TPCN1: variants seen among roughly 807,000 people sequenced by gnomAD.
The protein encoded by TPCN1 is two pore segment channel 1.
Under a neutral mutation model 108.8 loss-of-function variants are expected in TPCN1, and 52 were observed. The ratio of observed to expected loss-of-function variants is 0.48; its 90% CI spans 0.38 to 0.60. The LOEUF is 0.60. Ranked by LOEUF, TPCN1 falls within the 20% of genes least tolerant of loss-of-function variation. The pLI, the probability that TPCN1 is intolerant of heterozygous loss-of-function variation, is 0.00. For synonymous variants in TPCN1, 446 were observed against 433.7 expected, an observed-to-expected ratio of 1.03 and a Z score of -0.35; for missense variants, 806 against 1,072.8, an observed-to-expected ratio of 0.75 and a Z score of 3.47.
rs372989099 is a variant in TPCN1, at chr12:113,293,360, G to C, written c.2334+11G>C. On this transcript the variant is annotated intron_variant, in intron 27 of 27. Transcript: ENST00000335509. Reference sequence around the variant, plus strand: ...CAGGAGGAGATCCAGGTAGGAGCCTGGCCGACCACGCTGCGAATCCTCCCC... The same window carrying C: ...CAGGAGGAGATCCAGGTAGGAGCCTCGCCGACCACGCTGCGAATCCTCCCC... The C allele has an allele frequency of 2.4e-5, 38 of 1,613,282 alleles. No homozygotes were observed. In the African/African-American group the frequency reaches 5.1e-4, roughly 22 times the overall value.
At chr12:113,277,970 A>G (rs181965934) in intron 12 of TPCN1, among the ~76,000 whole-genome samples, 91 of 152,186 alleles carry the variant, frequency 6.0e-4, no homozygotes, top group Admixed American at 7.8e-4. Flanking sequence ...ATCGGTGGAG[A>G]CTTAAGTGGA....
rs1956197618 is a variant in TPCN1, at chr12:113,289,538, G to A, written c.1797-590G>A. Reference sequence around the variant, plus strand: ...ACCAGGGAGCTTAGTGCAAGCTCCAGACCTCACTCTTGTGTCTGATGCATG... The same window carrying A: ...ACCAGGGAGCTTAGTGCAAGCTCCAAACCTCACTCTTGTGTCTGATGCATG... On this transcript the variant is annotated intron_variant, in intron 21 of 27. Coordinates refer to ENST00000335509, the MANE Select transcript of TPCN1 (RefSeq NM_017901.6). The surrounding 1 kb of genome is among the most constrained non-coding windows in gnomAD (Gnocchi z 4.1). Among the ~76,000 whole-genome samples the A allele has an allele frequency of 1.3e-5, 2 of 152,348 alleles. No homozygotes were observed. The highest frequency in any genetic ancestry group is 1.3e-4 in the Admixed American group (2 of 15,298).
intron 15 of TPCN1, among the ~76,000 whole-genome samples, chr12:113,281,577 C>T (rs751478750): frequency 3.3e-5 from 5 of 152,196 alleles, no homozygotes; most frequent in Non-Finnish European, 7.3e-5. Flanking sequence ...GAGACAAAGA[C>T]TTAGGTCTGG....
intron 2 of TPCN1, among the ~76,000 whole-genome samples, chr12:113,234,577 C>T (rs561586719): frequency 7.9e-5 from 12 of 152,308 alleles, no homozygotes; most frequent in South Asian, 6.2e-4. Flanking sequence ...GTACCCTTTA[C>T]GCCTTGTTTG....
intron 2 of TPCN1, among the ~76,000 whole-genome samples, chr12:113,256,530 C>G (rs772123746): frequency 6.6e-6 from 1 of 152,128 alleles, no homozygotes; most frequent in Non-Finnish European, 1.5e-5. Context: ...ACCAAGACAT[C>G]GAGGTATTGA....
intron 21 of TPCN1, 87 bp from the exon 22 acceptor site, chr12:113,290,041 A>G: frequency 1.2e-6 from 1 of 836,910 alleles, no homozygotes; most frequent in Non-Finnish European, 1.9e-6. Context: ...CTTGGCCAGA[A>G]CTCGGTTTGT....
In TPCN1 at chr12:113,268,219, G is replaced by T. The variant is rs374923357; in HGVS notation, c.528+263G>T. Among the ~76,000 whole-genome samples, 2 of 152,212 alleles carry T rather than the reference G, an allele frequency of 1.3e-5. No individual in the cohort carries two copies. The highest frequency in any genetic ancestry group is 4.8e-5 in the African/African-American group (2 of 41,454). On this transcript the variant is annotated intron_variant, in intron 5 of 27. Coordinates refer to ENST00000335509, the MANE Select transcript of TPCN1 (RefSeq NM_017901.6). This position sits in a 1 kb window ranked among gnomAD's most constrained non-coding sequence, Gnocchi z 7.3. ...CTTCGAGAGAGATGTGCTGCTCTCC[G>T]TGGTTTACATTCATCTGGAGACATG...
At chr12:113,241,969 A>G (rs1385908583) in intron 2 of TPCN1, among the ~76,000 whole-genome samples, 1 of 152,274 alleles carries the variant, frequency 6.6e-6, no homozygotes, top group East Asian at 1.9e-4. Context: ...AGGAAGTACA[A>G]TTCCAAGTTG....
Position 113,269,561 on chromosome 12 carries a change from C to T in TPCN1, c.660-196C>T, listed in dbSNP as rs891873591. The stretch of plus-strand genomic sequence containing the variant: ...TGGAGGTGGCTGTGTGCTACGCCTG[C>T]CCTAGTTCTTCCCTGCCATCCGCTG... On this transcript the variant is annotated intron_variant, in intron 6 of 27. Coordinates refer to ENST00000335509, the MANE Select transcript of TPCN1 (RefSeq NM_017901.6). The surrounding 1 kb of genome is among the most constrained non-coding windows in gnomAD (Gnocchi z 5.0). 2.6e-5 allele frequency among the ~76,000 whole-genome samples: 4 copies of T among 152,160 alleles called. No homozygotes were observed. Among genetic ancestry groups the T allele is most frequent in the Non-Finnish European group, 5.9e-5 (4 of 68,044 alleles).
In TPCN1 at chr12:113,231,542, G is replaced by A. The variant is rs1192226213; in HGVS notation, c.112+4578G>A. ...TAGGACTTCAGCCTATGAATTTGAG[G>A]GGGACACAGTTCAGGCCATCACACT... On this transcript the variant is annotated intron_variant, in intron 2 of 27. Coordinates refer to ENST00000335509, the MANE Select transcript of TPCN1 (RefSeq NM_017901.6). The surrounding 1 kb of genome is among the most constrained non-coding windows in gnomAD (Gnocchi z 4.3). 6.6e-6 allele frequency among the ~76,000 whole-genome samples: 1 copy of A among 152,152 alleles called. No homozygotes were observed. Among genetic ancestry groups the A allele is most frequent in the Non-Finnish European group, 1.5e-5 (1 of 68,040 alleles).
Position 113,266,490 on chromosome 12 carries a change from A to T in TPCN1, c.414+134A>T. 8.1e-7 allele frequency: 1 copy of T among 1,238,502 alleles called. No homozygotes were observed. Among genetic ancestry groups the T allele is most frequent in the Admixed American group, 2.1e-5 (1 of 48,378 alleles). The allele number at this position is 1,238,502 out of a possible 1,614,324, so 76.7% of individuals were successfully genotyped here. A position where few individuals can be genotyped will look rare whatever the true frequency, so the allele number is the denominator to read the frequency against. ...TAAAACAGAGAGATACGAGGTGGTC[A>T]TAGAGGCCTTGGGAGCGGAAATGCC... On this transcript the variant is annotated intron_variant, in intron 4 of 27. Coordinates refer to ENST00000335509, the MANE Select transcript of TPCN1 (RefSeq NM_017901.6). This position sits in a 1 kb window ranked among gnomAD's most constrained non-coding sequence, Gnocchi z 4.2.
chr12:113,241,761 CGT>C (rs67580212), intron 2 of TPCN1, among the ~76,000 whole-genome samples: 3,607 of 144,160 alleles, frequency 0.025, 54 homozygotes, highest in East Asian at 0.085. Flanking sequence ...CGTGCCTCTG[CGT>C]GTGTGTGTGT....
rs192164112 is a variant in TPCN1 at position 113,227,030 on chromosome 12, C to T, written c.112+66C>T. 1.2e-3 allele frequency: 1,624 copies of T among 1,388,382 alleles called. 15 individuals are homozygous for T. The African/African-American group carries it at 0.019, about 17-fold the overall frequency. 86.0% of individuals were successfully genotyped at this position (1,388,382 alleles called of 1,614,324 possible). A position where few individuals can be genotyped will look rare whatever the true frequency, so the allele number is the denominator to read the frequency against. On this transcript the variant is annotated intron_variant, in intron 2 of 27. Coordinates refer to ENST00000335509, the MANE Select transcript of TPCN1 (RefSeq NM_017901.6). Reference sequence around the variant, plus strand: ...GTTTCAGAGGCTGAGAGGTGATAAGCGCTTTGTGGTCTGATAGTAGGGGTG... The same window carrying T: ...GTTTCAGAGGCTGAGAGGTGATAAGTGCTTTGTGGTCTGATAGTAGGGGTG...
At chr12:113,283,267 CA>C (rs1555269498) in intron 15 of TPCN1, among the ~76,000 whole-genome samples, 1 of 152,178 alleles carries the variant, frequency 6.6e-6, no homozygotes, top group Non-Finnish European at 1.5e-5. Flanking sequence ...CTGTCTTAAA[CA>C]ATAGCATATT....
At chr12:113,270,202 C>G (rs1166521439) in intron 7 of TPCN1, among the ~76,000 whole-genome samples, 2 of 138,940 alleles carry the variant, frequency 1.4e-5, no homozygotes, top group African/African-American at 5.3e-5. Flanking sequence ...GACTTTGTCT[C>G]AAAAAAAAAA....
At chr12:113,235,993 G>A (rs1953879464) in intron 2 of TPCN1, among the ~76,000 whole-genome samples, 1 of 152,202 alleles carries the variant, frequency 6.6e-6, no homozygotes, top group Non-Finnish European at 1.5e-5. Context: ...TGGGGAGAAA[G>A]GTTAGATCCA....
intron 10 of TPCN1, among the ~76,000 whole-genome samples, chr12:113,275,116 C>A (rs555912258): frequency 6.6e-6 from 1 of 152,176 alleles, no homozygotes; most frequent in South Asian, 2.1e-4. Flanking sequence ...GGCTTCCGAT[C>A]GAGTCCTGTG....
intron 1 of TPCN1, among the ~76,000 whole-genome samples, chr12:113,223,037 A>T (rs1009538006): frequency 6.6e-6 from 1 of 152,258 alleles, no homozygotes; most frequent in African/African-American, 2.4e-5. Flanking sequence ...CAATACAACC[A>T]TAATTCTTAA....
chr12:113,260,297 C>T (rs1307328753), intron 2 of TPCN1, 71 bp from the exon 3 acceptor site: 1 of 1,437,216 alleles, frequency 7.0e-7, no homozygotes, highest in East Asian at 2.8e-5. Context: ...CCAGGCTTTT[C>T]TTCTGCCAAA....
Sources: gnomAD v4.1 joint callset for allele counts (sites outside exome capture counted in the v4.1 genomes callset) on GRCh38, gnomAD v4.1.1 for gene constraint, Gnocchi (gnomAD v3.1) non-coding constraint, MANE v1.5 for transcripts, NCBI Gene and HGNC (gene_info 2026-07-23, HGNC 2026-07-21) for gene names.